The following FTCDNL1 variants were observed in gnomAD, a reference collection of about 807,000 sequenced individuals.
The protein encoded by FTCDNL1 is formiminotransferase N-terminal subdomain-containing protein.
In FTCDNL1, 11 loss-of-function variants were observed where a neutral mutation model predicts 5.9. That is an observed-to-expected ratio of 1.87 (90% confidence interval 1.18 to 3.10). The LOEUF is 3.10. FTCDNL1 is among the 30% of genes most tolerant of loss of function. FTCDNL1 has a pLI of 0.00. For missense variants in FTCDNL1, 115 were observed against 65.5 expected (o/e 1.76, Z -2.61); for synonymous variants, 58 against 24.8 (o/e 2.34, Z -3.99).
chr2:199,814,561 G>A (rs1425803344), intron 4 of FTCDNL1, among the ~76,000 whole-genome samples: 1 of 152,152 alleles, frequency 6.6e-6, no homozygotes, highest in African/African-American at 2.4e-5. Context: ...AGCCAGTCCA[G>A]ATAAGAGGGA....
chr2:199,793,634 T>C (rs149833475), intron 3 of FTCDNL1, among the ~76,000 whole-genome samples: 1 of 152,270 alleles, frequency 6.6e-6, no homozygotes, highest in East Asian at 1.9e-4. Context: ...TTTACATTTT[T>C]AAAAAAAGCT....
chr2:199,800,546 A>G (rs535798259), intron 3 of FTCDNL1, among the ~76,000 whole-genome samples: 1 of 152,330 alleles, frequency 6.6e-6, no homozygotes, highest in East Asian at 1.9e-4. Context: ...TTTAACTACA[A>G]TTATTGTGAA....
At chr2:199,834,138 G>A (rs1702555370) in intron 3 of FTCDNL1, among the ~76,000 whole-genome samples, 1 of 151,968 alleles carries the variant, frequency 6.6e-6, no homozygotes, top group Admixed American at 6.6e-5. Flanking sequence ...AATATGACTG[G>A]GGTCCTCATA....
rs1701577368 is a variant in FTCDNL1, at chr2:199,819,808, T to TA, written c.212-52dup. ...AGAAAATCACAATCAAGCCAAATTT[T>TA]AAAAACCAAAGCATATAATTTTTTT... On this transcript the variant is annotated intron_variant, in intron 3 of 4. Transcript: ENST00000420128. 1.3e-4 allele frequency: 88 copies of TA among 672,032 alleles called. 1 individual carries two copies. The South Asian group carries it at 1.3e-3, about 10-fold the overall frequency. The allele number at this position is 672,032 out of a possible 1,614,324, so 41.6% of individuals were successfully genotyped here.
At chr2:199,726,885 A>G in the FTCDNL1 span, among the ~76,000 whole-genome samples, 1 of 152,164 alleles carries the variant, frequency 6.6e-6, no homozygotes, top group Non-Finnish European at 1.5e-5. Flanking sequence ...CCCAGTAAGG[A>G]GGCATGGGAT....
intron 3 of FTCDNL1, among the ~76,000 whole-genome samples, chr2:199,782,345 T>C (rs1699409191): frequency 6.6e-6 from 1 of 152,228 alleles, no homozygotes; most frequent in Non-Finnish European, 1.5e-5. Context: ...TTTGAGTGCA[T>C]AGTTTGATGA....
At chr2:199,784,177 A>C (rs1699519245) in intron 3 of FTCDNL1, among the ~76,000 whole-genome samples, 1 of 152,114 alleles carries the variant, frequency 6.6e-6, no homozygotes, top group African/African-American at 2.4e-5. Context: ...ACCAAGTAGG[A>C]CTTCTTGGTG....
chr2:199,845,585 T>C (rs1251247831), intron 3 of FTCDNL1, among the ~76,000 whole-genome samples: 4 of 151,938 alleles, frequency 2.6e-5, no homozygotes, highest in East Asian at 3.9e-4. Context: ...AAAAAAAAGA[T>C]AATCTGTCCT....
intron 3 of FTCDNL1, among the ~76,000 whole-genome samples, chr2:199,839,528 T>C (rs2076526553): frequency 6.6e-6 from 1 of 152,124 alleles, no homozygotes; most frequent in Non-Finnish European, 1.5e-5. Flanking sequence ...AAATCATCAA[T>C]GGAATAATTC....
chr2:199,829,591 C>A (rs976668803), intron 3 of FTCDNL1, among the ~76,000 whole-genome samples: 7 of 152,086 alleles, frequency 4.6e-5, no homozygotes, highest in African/African-American at 1.4e-4. Flanking sequence ...TAAGAATATA[C>A]AACAGTAAAA....
At chr2:199,760,684 C>T in exon 4 of FTCDNL1, 1 of 630,086 alleles carries the variant, frequency 1.6e-6, no homozygotes, top group South Asian at 1.8e-5. Flanking sequence ...GTATAATTTT[C>T]CATCTTTTTA....
the FTCDNL1 span, among the ~76,000 whole-genome samples, chr2:199,689,891 T>C: frequency 6.6e-6 from 1 of 152,038 alleles, no homozygotes; most frequent in East Asian, 1.9e-4. Context: ...GGAGCATTAT[T>C]TATAATACCA....
the FTCDNL1 span, among the ~76,000 whole-genome samples, chr2:199,722,703 T>C: frequency 2.0e-4 from 30 of 152,214 alleles, no homozygotes; most frequent in Admixed American, 6.5e-5. Flanking sequence ...AATCTATAAA[T>C]TACTTTGGGG....
the FTCDNL1 span, among the ~76,000 whole-genome samples, chr2:199,712,879 T>C: frequency 6.6e-6 from 1 of 152,166 alleles, no homozygotes; most frequent in African/African-American, 2.4e-5. Flanking sequence ...CCTACTGCAG[T>C]ATGACCTTAC....
intron 3 of FTCDNL1, among the ~76,000 whole-genome samples, chr2:199,787,989 A>G (rs1319767656): frequency 6.6e-6 from 1 of 152,226 alleles, no homozygotes; most frequent in Non-Finnish European, 1.5e-5. Flanking sequence ...TTTGTATTCC[A>G]TGCAGAAACT....
At chr2:199,770,430 G>A (rs1698754326) in intron 3 of FTCDNL1, among the ~76,000 whole-genome samples, 1 of 152,182 alleles carries the variant, frequency 6.6e-6, no homozygotes, top group African/African-American at 2.4e-5. Context: ...CTCAAAGCCA[G>A]AATATTTTTA....
Position 199,811,820 on chromosome 2 carries a change from G to A in FTCDNL1, c.*885C>T, listed in dbSNP as rs1380032848. On this transcript the variant is annotated 3_prime_UTR_variant, in exon 5 of 5. Transcript: ENST00000420128. ...TGCTATAAATGAACTCATTGCCTAAGACAAATTATTAAAGATAAAGTAAGC... is the reference window on the plus strand; with the variant it reads ...TGCTATAAATGAACTCATTGCCTAAAACAAATTATTAAAGATAAAGTAAGC... Among the ~76,000 whole-genome samples the A allele has an allele frequency of 6.6e-6, 1 of 152,092 alleles. No homozygotes were observed. Among genetic ancestry groups the A allele is most frequent in the Non-Finnish European group, 1.5e-5 (1 of 68,030 alleles).
At chr2:199,802,357 G>T (rs970474456) in intron 3 of FTCDNL1, among the ~76,000 whole-genome samples, 2 of 152,052 alleles carry the variant, frequency 1.3e-5, no homozygotes, top group Non-Finnish European at 2.9e-5. Context: ...TCATCCTCAG[G>T]GACTTTACAG....
the FTCDNL1 span, among the ~76,000 whole-genome samples, chr2:199,743,696 G>T: frequency 6.6e-6 from 1 of 152,060 alleles, no homozygotes; most frequent in Non-Finnish European, 1.5e-5. Flanking sequence ...AAGCCTCTTA[G>T]TGTCTCGGGG....
Sources: gnomAD v4.1 joint callset for allele counts (sites outside exome capture counted in the v4.1 genomes callset) on GRCh38, gnomAD v4.1.1 for gene constraint, MANE v1.5 for transcripts, NCBI Gene and HGNC (gene_info 2026-07-23, HGNC 2026-07-21) for gene names.